Variants in ARHGEF18 observed in about 807,000 individuals in gnomAD.
ARHGEF18 encodes the protein Rho/Rac guanine nucleotide exchange factor 18, also known as rho guanine nucleotide exchange factor 18.
ARHGEF18 carries 93 observed loss-of-function variants against 155.7 expected under a neutral mutation model. The ratio of observed to expected loss-of-function variants is 0.60; its 90% CI spans 0.50 to 0.71. The LOEUF is 0.71. Among genes scored for constraint, ARHGEF18 ranks in the 30% least tolerant of loss-of-function variants. ARHGEF18 has a pLI of 0.00. For missense variants in ARHGEF18, 1,593 were observed against 1,816.1 expected (o/e 0.88, Z 2.23); for synonymous variants, 742 against 753.1 (o/e 0.99, Z 0.24).
At chr19:7,465,567 C>T (rs1037715778) in intron 23 of ARHGEF18, among the ~76,000 whole-genome samples, 2 of 152,072 alleles carry the variant, frequency 1.3e-5, no homozygotes, top group Admixed American at 1.3e-4. Flanking sequence ...GCCCCCACAC[C>T]TGACTAATTT....
At chr19:7,426,320 C>A (rs1973658066) in intron 10 of ARHGEF18, among the ~76,000 whole-genome samples, 1 of 151,864 alleles carries the variant, frequency 6.6e-6, no homozygotes, top group African/African-American at 2.4e-5. Flanking sequence ...AAACCTGTCT[C>A]TACTAAAAAT....
chr19:7,463,699 G>A lies in ARHGEF18; in HGVS notation c.2636-119G>A. 1 of 1,264,704 alleles carries A rather than the reference G, an allele frequency of 7.9e-7. No homozygotes were observed. Among genetic ancestry groups the A allele is most frequent in the Non-Finnish European group, 1.1e-6 (1 of 928,796 alleles). The allele number at this position is 1,264,704 out of a possible 1,614,324, so 78.3% of individuals were successfully genotyped here. Reference sequence around the variant, plus strand: ...ATCCCACGGCACACAGAAGGGGGCAGGCGATCACCACCCCAGTGAGTCCCT... The same window carrying A: ...ATCCCACGGCACACAGAAGGGGGCAAGCGATCACCACCCCAGTGAGTCCCT... On this transcript the variant is annotated intron_variant, in intron 21 of 28. Coordinates refer to ENST00000668164, the MANE Select transcript of ARHGEF18 (RefSeq NM_001367823.1). This position sits in a 1 kb window ranked among gnomAD's most constrained non-coding sequence, Gnocchi z 5.2.
At chr19:7,357,631 T>TA (rs1969364632) in intron 1 of ARHGEF18, among the ~76,000 whole-genome samples, 1 of 152,148 alleles carries the variant, frequency 6.6e-6, no homozygotes, top group South Asian at 2.1e-4. Context: ...GTGACTCCCT[T>TA]ACAGCGTGTC....
At chr19:7,394,565 ATCCTCCCTCGGGGTCCCCCAACTCCGCTG>A (rs1490693256) in intron 10 of ARHGEF18, among the ~76,000 whole-genome samples, 122 of 147,196 alleles carry the variant, frequency 8.3e-4, no homozygotes, top group African/African-American at 3.0e-3. Context: ...TAACCCCGCT[ATCCTCCCTCGGGGTCCCCCAACTCCGCTG>A]TCCTCCCTCG....
chr19:7,357,931 T>C (rs1203893745), intron 1 of ARHGEF18, among the ~76,000 whole-genome samples: 1 of 152,110 alleles, frequency 6.6e-6, no homozygotes, highest in African/African-American at 2.4e-5. Context: ...CTCACCTTGG[T>C]TTCCTTCCTG....
intron 10 of ARHGEF18, among the ~76,000 whole-genome samples, chr19:7,403,100 GC>G (rs1972103883): frequency 6.6e-6 from 1 of 152,032 alleles, no homozygotes; most frequent in Non-Finnish European, 1.5e-5. Flanking sequence ...TGTAACCTCC[GC>G]CTCCTGGGTT....
intron 3 of ARHGEF18, among the ~76,000 whole-genome samples, chr19:7,374,690 AG>A (rs1393635129): frequency 7.3e-6 from 1 of 136,228 alleles, no homozygotes; most frequent in Non-Finnish European, 1.5e-5. Context: ...AAAAAAAGGA[AG>A]AAAAAAAAAT....
rs779655538 is a variant in ARHGEF18, at chr19:7,467,586, C to T, written c.3382C>T (p.Arg1128Cys). ...CCTGGAGCGGCTGCGCGAGGCCCAG[C>T]GTGCCGTGGAGCGCGAGCGGGAGCG... ...HDLERLREAQRAVERERERLE... is the reference protein window; with the variant it reads ...HDLERLREAQCAVERERERLE... The change falls in exon 26 of 29, where the codon CGT (arginine) becomes TGT (cysteine). Residue 1128 changes from arginine to cysteine, a missense_variant. By Grantham distance (180) the Arg-to-Cys change is radical (BLOSUM62 -3). Transcript: ENST00000668164. 13 of 1,503,498 alleles carry T rather than the reference C, an allele frequency of 8.6e-6. No individual in the cohort carries two copies. Among genetic ancestry groups the T allele is most frequent in the South Asian group, 1.2e-5 (1 of 80,786 alleles). The allele number at this position is 1,503,498 out of a possible 1,614,324, so 93.1% of individuals were successfully genotyped here.
Position 7,470,566 on chromosome 19 carries a change from A to G in ARHGEF18, c.*268A>G. The G allele has an allele frequency of 2.5e-6, 1 of 399,364 alleles. No homozygotes were observed. Among genetic ancestry groups the G allele is most frequent in the Non-Finnish European group, 4.4e-6 (1 of 227,808 alleles). 24.7% of individuals were successfully genotyped at this position (399,364 alleles called of 1,614,324 possible). A position where few individuals can be genotyped will look rare whatever the true frequency, so the allele number is the denominator to read the frequency against. On this transcript the variant is annotated 3_prime_UTR_variant, in exon 29 of 29. Coordinates refer to ENST00000668164, the MANE Select transcript of ARHGEF18 (RefSeq NM_001367823.1). The surrounding 1 kb of genome is among the most constrained non-coding windows in gnomAD (Gnocchi z 5.9). ...GTTTTTAATGGAAAGTTGAGCCAGA[A>G]CTAAACCAGGGAGCTGTCTGAAATC...
chr19:7,376,909 G>C (rs554585530), intron 5 of ARHGEF18, among the ~76,000 whole-genome samples, 152 bp downstream of exon 5: 2 of 152,258 alleles, frequency 1.3e-5, no homozygotes, highest in Admixed American at 1.3e-4. Context: ...AAGGGAGCTG[G>C]CTTAGGGTCC....
At chr19:7,382,310 C>T (rs559760914) in intron 8 of ARHGEF18, among the ~76,000 whole-genome samples, 3 of 151,990 alleles carry the variant, frequency 2.0e-5, no homozygotes, top group Non-Finnish European at 2.9e-5. Context: ...GCATGAGAAT[C>T]GCTTGAACCT....
intron 17 of ARHGEF18, among the ~76,000 whole-genome samples, chr19:7,453,946 G>T (rs1382818423): frequency 6.6e-6 from 1 of 152,106 alleles, no homozygotes; most frequent in Non-Finnish European, 1.5e-5. Context: ...ATTGGTGGGT[G>T]CCATGTTGGA....
At position 7,468,843 on chromosome 19, in the gene ARHGEF18, C is replaced by T. The variant is rs952122104; in HGVS notation, c.3499C>T (p.Pro1167Ser). 7.0e-6 allele frequency: 11 copies of T among 1,562,048 alleles called. No homozygotes were observed. Among genetic ancestry groups the T allele is most frequent in the Admixed American group, 1.8e-5 (1 of 54,652 alleles). Residue 1167 changes from proline (P) to serine (S), a missense_variant, in exon 27 of 29, where the codon CCT becomes TCT. Coordinates refer to ENST00000668164, the MANE Select transcript of ARHGEF18 (RefSeq NM_001367823.1). ...CCCTCAGGCCCAGCCCCCAAGCCAC[C>T]CTCCCAGCTTCAACGGGGAAGGGCT... ...TLAEAQPPSH[P>S]PSFNGEGLEG... is the part of the protein sequence containing the mutation.
At chr19:7,451,453 G>C (rs1376355348) in intron 16 of ARHGEF18, among the ~76,000 whole-genome samples, 187 bp downstream of exon 16, 2 of 146,904 alleles carry the variant, frequency 1.4e-5, no homozygotes, top group Non-Finnish European at 3.0e-5. Flanking sequence ...CTGTTGCCCA[G>C]GCTGGAGTGT....
chr19:7,446,723 A>G (rs1193432898), intron 14 of ARHGEF18, among the ~76,000 whole-genome samples: 1 of 151,710 alleles, frequency 6.6e-6, no homozygotes, highest in East Asian at 1.9e-4. Context: ...CCTGGGCAAC[A>G]GAGTGAGACT....
At chr19:7,435,214 G>A (rs919614831) in intron 10 of ARHGEF18, among the ~76,000 whole-genome samples, 4 of 151,516 alleles carry the variant, frequency 2.6e-5, no homozygotes, top group Admixed American at 6.6e-5. Flanking sequence ...AAAAAAAGGC[G>A]TCAGAAGATC....
chr19:7,467,708 C>T (rs748268753), intron 26 of ARHGEF18, 24 bp downstream of exon 26: 177 of 1,459,866 alleles, frequency 1.2e-4, no homozygotes, highest in Non-Finnish European at 1.5e-4. Flanking sequence ...AGCCAGTGTG[C>T]GCAGGTTGGG....
At chr19:7,355,202 C>T (rs1320758144) in intron 1 of ARHGEF18, among the ~76,000 whole-genome samples, 2 of 151,958 alleles carry the variant, frequency 1.3e-5, no homozygotes, top group African/African-American at 4.8e-5. Flanking sequence ...CACCCTGAAA[C>T]ACAGAATCAC....
intron 10 of ARHGEF18, among the ~76,000 whole-genome samples, chr19:7,406,134 G>A (rs760786481): frequency 3.9e-5 from 6 of 152,140 alleles, no homozygotes; most frequent in Non-Finnish European, 8.8e-5. Flanking sequence ...AGGCTGGAGT[G>A]CGTTGGCGCT....
Sources: allele counts gnomAD v4.1 joint callset (sites outside exome capture counted in the v4.1 genomes callset), GRCh38; gene constraint gnomAD v4.1.1; non-coding constraint Gnocchi (gnomAD v3.1); transcripts MANE v1.5; gene names NCBI Gene and HGNC (gene_info 2026-07-23, HGNC 2026-07-21).